The following MARCHF1 variants were observed in gnomAD, a reference collection of about 807,000 sequenced individuals.
MARCHF1 encodes the protein membrane associated ring-CH-type finger 1.
MARCHF1 carries 40 observed loss-of-function variants against 54.2 expected under a neutral mutation model. The ratio of observed to expected loss-of-function variants is 0.74; its 90% confidence interval spans 0.57 to 0.96. MARCHF1 has a LOEUF of 0.96. MARCHF1 is among the 40% of genes least tolerant of loss of function. The pLI is 0.00. For missense variants in MARCHF1, 586 were observed against 656.5 expected (o/e 0.89, Z 1.17); for synonymous variants, 236 against 236.3 (o/e 1.00, Z 0.01).
At chr4:164,299,387 A>G (rs1425715677) in intron 1 of MARCHF1, among the ~76,000 whole-genome samples, 1 of 152,314 alleles carries the variant, frequency 6.6e-6, no homozygotes, top group Non-Finnish European at 1.5e-5. Context: ...CTGTAATGGA[A>G]GGAAATCATT....
intron 3 of MARCHF1, among the ~76,000 whole-genome samples, chr4:163,916,646 G>A (rs939869576): frequency 4.6e-5 from 7 of 152,032 alleles, no homozygotes; most frequent in Admixed American, 6.6e-5. Context: ...AAACAGTGCC[G>A]CATGTATCTT....
intron 2 of MARCHF1, among the ~76,000 whole-genome samples, chr4:164,022,476 G>A (rs977181392): frequency 6.6e-6 from 1 of 152,164 alleles, no homozygotes; most frequent in Non-Finnish European, 1.5e-5. Context: ...CAAATGCTAG[G>A]GCTACCTGAA....
chr4:163,800,555 AAC>A lies in MARCHF1; in HGVS notation c.111+53464_111+53465del, dbSNP rs201200733. On this transcript the variant is annotated intron_variant, in intron 4 of 9. Coordinates refer to ENST00000514618, the MANE Select transcript of MARCHF1 (RefSeq NM_001394959.1). ...CTCCCATCTCCTCTCTGTATATTTA[AAC>A]ACAGAGAATTCTGATGACAATAAAA... 6.7e-3 allele frequency among the ~76,000 whole-genome samples: 1,016 copies of A among 152,168 alleles called. 7 individuals are homozygous for A. Among genetic ancestry groups the A allele is most frequent in the South Asian group, 0.03 (143 of 4,820 alleles).
chr4:163,702,819 C>A (rs1237898646), intron 4 of MARCHF1, among the ~76,000 whole-genome samples: 1 of 152,160 alleles, frequency 6.6e-6, no homozygotes, highest in Non-Finnish European at 1.5e-5. Context: ...TTGAAATAAA[C>A]AAACTTAGGC....
intron 3 of MARCHF1, among the ~76,000 whole-genome samples, chr4:163,939,097 G>A (rs1751858168): frequency 6.6e-6 from 1 of 152,136 alleles, no homozygotes; most frequent in African/African-American, 2.4e-5. Flanking sequence ...CTAGTAGGTA[G>A]AGACTTTATA....
At chr4:163,811,604 G>A (rs1022958851) in intron 4 of MARCHF1, among the ~76,000 whole-genome samples, 4 of 152,120 alleles carry the variant, frequency 2.6e-5, no homozygotes, top group Non-Finnish European at 5.9e-5. Flanking sequence ...CCGATGCCTT[G>A]GCTGAAAATG....
chr4:163,568,131 C>T lies in MARCHF1; in HGVS notation c.1191+17618G>A, dbSNP rs540108165. On this transcript the variant is annotated intron_variant, in intron 8 of 9. Coordinates refer to ENST00000514618, the MANE Select transcript of MARCHF1 (RefSeq NM_001394959.1). Reference sequence around the variant, plus strand: ...CATTTCTCCCTCGCATTTCCCATAACGTCCCAATATAAGTGTATGGCTACA... The same window carrying T: ...CATTTCTCCCTCGCATTTCCCATAATGTCCCAATATAAGTGTATGGCTACA... Among the ~76,000 whole-genome samples the T allele has an allele frequency of 5.9e-5, 9 of 152,182 alleles. No individual in the cohort carries two copies. In the South Asian group the frequency reaches 1.2e-3, roughly 21 times the overall value.
intron 1 of MARCHF1, among the ~76,000 whole-genome samples, chr4:164,349,954 C>T (rs1042919539): frequency 2.0e-5 from 3 of 152,176 alleles, no homozygotes; most frequent in Non-Finnish European, 2.9e-5. Flanking sequence ...AACTCTATCA[C>T]TTATGATTGT....
chr4:163,765,078 G>T (rs890143208), intron 4 of MARCHF1, among the ~76,000 whole-genome samples: 3 of 152,036 alleles, frequency 2.0e-5, no homozygotes, highest in African/African-American at 7.2e-5. Flanking sequence ...TACCAACTCT[G>T]CATCTAATGA....
intron 2 of MARCHF1, among the ~76,000 whole-genome samples, chr4:164,040,131 A>G (rs1754093677): frequency 6.9e-6 from 1 of 145,188 alleles, no homozygotes; most frequent in African/African-American, 2.5e-5. Flanking sequence ...GTATTTAAAA[A>G]TATTTTATAT....
intron 1 of MARCHF1, among the ~76,000 whole-genome samples, chr4:164,121,188 C>A (rs1045877312): frequency 1.3e-5 from 2 of 151,966 alleles, no homozygotes; most frequent in Non-Finnish European, 2.9e-5. Flanking sequence ...CTACTATGAG[C>A]AATTATCTGC....
intron 8 of MARCHF1, among the ~76,000 whole-genome samples, chr4:163,580,491 A>G (rs1740193850): frequency 6.6e-6 from 1 of 152,340 alleles, no homozygotes; most frequent in East Asian, 1.9e-4. Context: ...CAGAAATGAC[A>G]GCTGATGCTC....
At position 163,681,147 on chromosome 4, in the gene MARCHF1, T is replaced by C. The variant is rs1003798341; in HGVS notation, c.162+19666A>G. ...ATCGGTAAACAGTATCTCCATATTT[T>C]AAAGGGCTGTGCTATCACATGCATA... On this transcript the variant is annotated intron_variant, in intron 5 of 9. Coordinates refer to ENST00000514618, the MANE Select transcript of MARCHF1 (RefSeq NM_001394959.1). Among the ~76,000 whole-genome samples the C allele has an allele frequency of 2.0e-4, 30 of 152,120 alleles. 1 individual carries two copies. The highest frequency in any genetic ancestry group is 6.6e-5 in the Admixed American group (1 of 15,262).
At chr4:164,299,702 A>G (rs1459369975) in intron 1 of MARCHF1, among the ~76,000 whole-genome samples, 2 of 152,166 alleles carry the variant, frequency 1.3e-5, no homozygotes, top group African/African-American at 4.8e-5. Flanking sequence ...ATGATGTTCT[A>G]AAGTCTGTCA....
At chr4:163,564,357 A>T (rs1313779149) in intron 8 of MARCHF1, among the ~76,000 whole-genome samples, 1 of 152,232 alleles carries the variant, frequency 6.6e-6, no homozygotes, top group Non-Finnish European at 1.5e-5. Flanking sequence ...GCACTATTTT[A>T]TATGGATAAA....
intron 1 of MARCHF1, among the ~76,000 whole-genome samples, chr4:164,186,270 T>C (rs964904022): frequency 6.6e-6 from 1 of 152,194 alleles, no homozygotes; most frequent in Non-Finnish European, 1.5e-5. Context: ...ACGTGTTAAA[T>C]TCAGGATCTC....
chr4:163,745,337 A>G (rs551751582), intron 4 of MARCHF1, among the ~76,000 whole-genome samples: 1 of 150,236 alleles, frequency 6.7e-6, no homozygotes, highest in Non-Finnish European at 1.5e-5. Context: ...CTGATCTTGA[A>G]CTCCTGACCT....
chr4:163,831,601 A>G (rs114906455), intron 4 of MARCHF1, among the ~76,000 whole-genome samples: 4,427 of 152,166 alleles, frequency 0.029, 79 homozygotes, highest in East Asian at 0.073. Flanking sequence ...TAATCAATTA[A>G]ATTTTAAAAA....
intron 1 of MARCHF1, among the ~76,000 whole-genome samples, chr4:164,120,321 C>T (rs918786782): frequency 7.2e-5 from 11 of 152,074 alleles, no homozygotes; most frequent in African/African-American, 2.7e-4. Context: ...CACCGGAGCA[C>T]CCAGATACAT....
Sources: gnomAD v4.1 joint callset for allele counts (sites outside exome capture counted in the v4.1 genomes callset) on GRCh38, gnomAD v4.1.1 for gene constraint, MANE v1.5 for transcripts, NCBI Gene and HGNC (gene_info 2026-07-23, HGNC 2026-07-21) for gene names.